Variants in LRRC7 observed in about 807,000 individuals in gnomAD.
LRRC7 encodes leucine rich repeat containing 7.
LRRC7 carries 23 observed loss-of-function variants against 175.7 expected under a neutral mutation model. That is an observed-to-expected ratio of 0.13 (90% CI 0.09 to 0.19). The LOEUF (loss-of-function observed/expected upper bound fraction) is 0.19. Among genes scored for constraint, LRRC7 ranks in the 10% least tolerant of loss-of-function variants. The pLI is 1.00. For missense variants in LRRC7, 1,354 were observed against 1,904.7 expected, an observed-to-expected ratio of 0.71 and a Z score of 5.38; for synonymous variants, 685 against 680.9, an observed-to-expected ratio of 1.01 and a Z score of -0.09.
At chr1:69,701,923 T>G (rs909268479) in intron 2 of LRRC7, among the ~76,000 whole-genome samples, 21 of 152,230 alleles carry the variant, frequency 1.4e-4, no homozygotes, top group African/African-American at 4.8e-4. Context: ...TTTACGTATT[T>G]AAAATGCTTG....
intron 1 of LRRC7, among the ~76,000 whole-genome samples, chr1:69,570,195 A>C (rs1212326732): frequency 1.3e-5 from 2 of 152,156 alleles, no homozygotes; most frequent in Non-Finnish European, 2.9e-5. Flanking sequence ...CAGCGAAAGC[A>C]GGACACGTGA....
At chr1:69,919,760 TG>T in intron 7 of LRRC7, 2 of 960,364 alleles carry the variant, frequency 2.1e-6, no homozygotes, top group South Asian at 1.4e-5. Flanking sequence ...TGAAGACCCC[TG>T]GTTTGCGCGG....
chr1:69,681,919 A>T (rs192914024), intron 2 of LRRC7, among the ~76,000 whole-genome samples: 11 of 152,262 alleles, frequency 7.2e-5, no homozygotes, highest in African/African-American at 2.6e-4. Flanking sequence ...TTAAAACAAC[A>T]TTCATTTATC....
intron 7 of LRRC7, among the ~76,000 whole-genome samples, chr1:69,903,076 T>A (rs1199011172): frequency 6.6e-6 from 1 of 152,216 alleles, no homozygotes; most frequent in East Asian, 1.9e-4. Context: ...ATGATAATCT[T>A]TATGACAAAT....
intron 8 of LRRC7, among the ~76,000 whole-genome samples, chr1:69,960,048 T>G (rs1650889187): frequency 6.6e-6 from 1 of 152,026 alleles, no homozygotes; most frequent in African/African-American, 2.4e-5. Context: ...TGGAATAGTT[T>G]TGGTAGAAAT....
At chr1:69,626,703 A>G (rs1389017130) in intron 1 of LRRC7, among the ~76,000 whole-genome samples, 2 of 132,860 alleles carry the variant, frequency 1.5e-5, no homozygotes, top group Non-Finnish European at 3.2e-5. Flanking sequence ...TCCTAATGCT[A>G]TCCCTCCCCC....
chr1:69,653,019 C>G (rs1656084920), intron 1 of LRRC7, among the ~76,000 whole-genome samples: 1 of 152,052 alleles, frequency 6.6e-6, no homozygotes, highest in Non-Finnish European at 1.5e-5. Flanking sequence ...GAAAAAGCTT[C>G]TTGCCAATTG....
chr1:69,708,776 C>T (rs1463585899), intron 2 of LRRC7, among the ~76,000 whole-genome samples: 1 of 152,088 alleles, frequency 6.6e-6, no homozygotes, highest in Non-Finnish European at 1.5e-5. Flanking sequence ...CTCCTAGGGC[C>T]AGTGGGCTAA....
At position 69,792,105 on chromosome 1, in the gene LRRC7, G is replaced by A. The variant is rs1675193938; in HGVS notation, c.366G>A (p.Leu122=). ...LSIPDNDLSN[L]PTTIASLVNL... ...TTCCTGATAACGACCTTTCAAATCTGCCAACCACTATTGCTAGTTTAGTTA... is the reference window on the plus strand; with the variant it reads ...TTCCTGATAACGACCTTTCAAATCTACCAACCACTATTGCTAGTTTAGTTA... The change falls in exon 4 of 27, where the codon CTG becomes CTA. Residue 122 remains leucine (L), a synonymous_variant. Transcript: ENST00000651989. 1.9e-6 allele frequency: 3 copies of A among 1,610,782 alleles called. No individual in the cohort carries two copies. Among genetic ancestry groups the A allele is most frequent in the Non-Finnish European group, 2.5e-6 (3 of 1,177,774 alleles).
intron 10 of LRRC7, among the ~76,000 whole-genome samples, chr1:69,992,599 C>T (rs541372733): frequency 2.0e-5 from 3 of 152,258 alleles, no homozygotes; most frequent in South Asian, 4.1e-4. Context: ...AGACTCTGTC[C>T]GAAGAGTATC....
chr1:69,648,697 A>G (rs1405885266), intron 1 of LRRC7, among the ~76,000 whole-genome samples: 4 of 152,172 alleles, frequency 2.6e-5, no homozygotes, highest in African/African-American at 9.7e-5. Context: ...CTGTTTACAT[A>G]CATACTGGCT....
chr1:69,988,243 C>T (rs1476011162), intron 10 of LRRC7, among the ~76,000 whole-genome samples: 8 of 152,200 alleles, frequency 5.3e-5, no homozygotes, highest in South Asian at 2.1e-4. Context: ...GCATATTCTA[C>T]GTGCTGTTTG....
At chr1:70,021,810 C>T (rs1235740499) in intron 16 of LRRC7, among the ~76,000 whole-genome samples, 1 of 152,096 alleles carries the variant, frequency 6.6e-6, no homozygotes, top group African/African-American at 2.4e-5. Flanking sequence ...TAATTATCAT[C>T]AGAATTGATT....
chr1:69,661,331 T>A (rs1253118166), intron 1 of LRRC7, among the ~76,000 whole-genome samples: 1 of 152,128 alleles, frequency 6.6e-6, no homozygotes. Flanking sequence ...CTTTCCCTAG[T>A]AAAAGATACA....
Position 69,945,545 on chromosome 1 carries a change from T to C in LRRC7, c.711+13975T>C, listed in dbSNP as rs145772760. 8.1e-3 allele frequency among the ~76,000 whole-genome samples: 1,230 copies of C among 152,208 alleles called. 13 individuals are homozygous for C. The highest frequency in any genetic ancestry group is 0.027 in the African/African-American group (1,125 of 41,550). ...TTTTTTATAATTCTGTGGAAAATGT[T>C]AGAATTTGTATGGGGATTGCATTAA... On this transcript the variant is annotated intron_variant, in intron 8 of 26. Transcript: ENST00000651989.
intron 8 of LRRC7, among the ~76,000 whole-genome samples, chr1:69,947,148 T>TC (rs1649422653): frequency 2.6e-5 from 4 of 151,334 alleles, no homozygotes; most frequent in Admixed American, 1.3e-4. Flanking sequence ...AATAAATAAA[T>TC]AAATCTAAAG....
rs970388319 is a variant in LRRC7 at position 70,135,030 on chromosome 1, T to C, written c.*13143T>C. ...AACTATTTAAATACTAGAATGAAAA[T>C]TACATAGAATTTTACTGAAGAGTAT... is the stretch of plus-strand genomic sequence containing the variant. On this transcript the variant is annotated 3_prime_UTR_variant, in exon 27 of 27. Coordinates refer to ENST00000651989, the MANE Select transcript of LRRC7 (RefSeq NM_001370785.2). 1.3e-5 allele frequency among the ~76,000 whole-genome samples: 2 copies of C among 152,230 alleles called. No individual in the cohort carries two copies. The highest frequency in any genetic ancestry group is 2.9e-5 in the Non-Finnish European group (2 of 68,040).
chr1:69,756,483 GA>G (rs1369212582), intron 2 of LRRC7, among the ~76,000 whole-genome samples: 2 of 151,714 alleles, frequency 1.3e-5, no homozygotes, highest in Non-Finnish European at 2.9e-5. Flanking sequence ...GAATTTTCAA[GA>G]GTGAGGAAAA....
chr1:69,858,569 G>C (rs1683992947), intron 7 of LRRC7, among the ~76,000 whole-genome samples: 1 of 151,616 alleles, frequency 6.6e-6, no homozygotes, highest in African/African-American at 2.4e-5. Flanking sequence ...TTCATCCTTT[G>C]AGTTGGGAAT....
Sources: allele counts gnomAD v4.1 joint callset (sites outside exome capture counted in the v4.1 genomes callset), GRCh38; gene constraint gnomAD v4.1.1; transcripts MANE v1.5; gene names NCBI Gene and HGNC (gene_info 2026-07-23, HGNC 2026-07-21).